Variants in NRP1 observed in about 807,000 individuals in gnomAD.
The protein encoded by NRP1 is neuropilin 1, also known as neuropilin-1.
In NRP1, 35 loss-of-function variants were observed where a neutral mutation model predicts 106.7. The observed-to-expected ratio is 0.33, with a 90% CI of 0.25 to 0.43. NRP1 has a LOEUF of 0.43. NRP1 is among the 20% of genes least tolerant of loss of function. The pLI is 1.00. For synonymous variants in NRP1, 437 were observed against 417.9 expected, an observed-to-expected ratio of 1.05 and a Z score of -0.56; for missense variants, 1,024 against 1,170.4, an observed-to-expected ratio of 0.87 and a Z score of 1.83.
At chr10:33,260,567 C>G (rs1378951761) in intron 4 of NRP1, among the ~76,000 whole-genome samples, 1 of 152,160 alleles carries the variant, frequency 6.6e-6, no homozygotes, top group Non-Finnish European at 1.5e-5. Context: ...CAGGCCCCAT[C>G]ATCCAGCACC....
At chr10:33,210,383 C>T (rs985063685) in intron 9 of NRP1, among the ~76,000 whole-genome samples, 1 of 152,038 alleles carries the variant, frequency 6.6e-6, no homozygotes, top group Non-Finnish European at 1.5e-5. Context: ...AACATACCTC[C>T]AAAGATCATA....
intron 13 of NRP1, among the ~76,000 whole-genome samples, chr10:33,188,357 C>CA (rs539727987): frequency 8.0e-4 from 122 of 152,262 alleles, no homozygotes; most frequent in Admixed American, 4.2e-3. Context: ...CATCCTCACT[C>CA]AACTGCACCA....
intron 6 of NRP1, among the ~76,000 whole-genome samples, chr10:33,232,730 C>T (rs1840254432): frequency 6.7e-6 from 1 of 149,398 alleles, no homozygotes; most frequent in Non-Finnish European, 1.5e-5. Context: ...GCAACCTCCA[C>T]CTCCCAGGTT....
chr10:33,215,783 T>C (rs185755638), intron 8 of NRP1, among the ~76,000 whole-genome samples: 1 of 152,226 alleles, frequency 6.6e-6, no homozygotes, highest in African/African-American at 2.4e-5. Context: ...GTCGTTTCTT[T>C]ACTCAGACAT....
At chr10:33,213,796 G>A (rs1588739382) in intron 8 of NRP1, 79 bp from the exon 9 acceptor site, 5 of 1,079,342 alleles carry the variant, frequency 4.6e-6, no homozygotes, top group Non-Finnish European at 6.7e-6. Flanking sequence ...ACAACATATG[G>A]AATAAAGACA....
At chr10:33,202,566 T>TGGGGGGG in intron 11 of NRP1, 1 of 1,245,312 alleles carries the variant, frequency 8.0e-7, no homozygotes, top group Non-Finnish European at 1.1e-6. Context: ...GCACGTGTTA[T>TGGGGGGG]TGGGGGGGGG....
intron 16 of NRP1, among the ~76,000 whole-genome samples, chr10:33,182,342 T>C (rs1264317071): frequency 6.6e-6 from 1 of 152,166 alleles, no homozygotes; most frequent in East Asian, 1.9e-4. Context: ...ATGGAAATAG[T>C]CTTCACTAAT....
chr10:33,250,498 G>A (rs889155645), intron 6 of NRP1, among the ~76,000 whole-genome samples: 4 of 152,210 alleles, frequency 2.6e-5, no homozygotes, highest in Non-Finnish European at 4.4e-5. Flanking sequence ...CTTAGAAATA[G>A]GAAGCACCCA....
intron 12 of NRP1, among the ~76,000 whole-genome samples, chr10:33,192,986 A>T (rs971256438): frequency 1.3e-4 from 20 of 151,952 alleles, no homozygotes; most frequent in African/African-American, 3.9e-4. Context: ...TTTTTCTTCC[A>T]TGCCTTCTAT....
At chr10:33,325,132 C>T (rs1314524736) in intron 2 of NRP1, among the ~76,000 whole-genome samples, 4 of 152,130 alleles carry the variant, frequency 2.6e-5, no homozygotes, top group Non-Finnish European at 5.9e-5. Flanking sequence ...AAAATTTTAT[C>T]AAATCTTATA....
intron 6 of NRP1, among the ~76,000 whole-genome samples, chr10:33,237,486 C>T (rs558089927): frequency 0.042 from 5,329 of 126,974 alleles, 132 homozygotes; most frequent in Middle Eastern, 0.083. Context: ...CACATGCGCG[C>T]GCACACACAC....
intron 2 of NRP1, among the ~76,000 whole-genome samples, chr10:33,293,751 A>G (rs1845175506): frequency 6.6e-6 from 1 of 152,224 alleles, no homozygotes; most frequent in South Asian, 2.1e-4. Context: ...GCATGCACAC[A>G]CACACGTGCT....
At chr10:33,265,978 T>G (rs1443841258) in intron 3 of NRP1, among the ~76,000 whole-genome samples, 1 of 152,178 alleles carries the variant, frequency 6.6e-6, no homozygotes, top group Non-Finnish European at 1.5e-5. Context: ...TTTAGGATTT[T>G]ATATCCACAG....
chr10:33,302,405 A>G (rs184835519), intron 2 of NRP1, among the ~76,000 whole-genome samples: 4 of 152,384 alleles, frequency 2.6e-5, no homozygotes, highest in Admixed American at 2.6e-4. Flanking sequence ...TCAAAGCCCC[A>G]GAAGTCTGTA....
intron 6 of NRP1, among the ~76,000 whole-genome samples, chr10:33,235,261 C>T (rs1840466687): frequency 1.3e-5 from 2 of 152,174 alleles, no homozygotes; most frequent in South Asian, 2.1e-4. Context: ...AAAAGGGACT[C>T]GATGCAGCAG....
At chr10:33,210,750 T>G (rs184242988) in intron 9 of NRP1, among the ~76,000 whole-genome samples, 6 of 152,260 alleles carry the variant, frequency 3.9e-5, no homozygotes, top group African/African-American at 1.4e-4. Flanking sequence ...ATCCAAGTGC[T>G]GTGGATTTCA....
chr10:33,229,979 G>T (rs904790749), intron 6 of NRP1, among the ~76,000 whole-genome samples: 3 of 152,154 alleles, frequency 2.0e-5, no homozygotes, highest in Non-Finnish European at 4.4e-5. Context: ...TTGCCAGTGG[G>T]TTTAGTAAGG....
intron 5 of NRP1, 65 bp from the exon 6 acceptor site, chr10:33,254,259 T>G: frequency 7.1e-7 from 1 of 1,409,468 alleles, no homozygotes; most frequent in South Asian, 1.4e-5. Flanking sequence ...TTTTTCTTTT[T>G]TAACTTGATA....
rs1182061298 is a variant in NRP1, at chr10:33,179,961, G to C, written c.*115C>G. On this transcript the variant is annotated 3_prime_UTR_variant, in exon 17 of 17. Transcript: ENST00000374867. ...CATTGAAGCTCCTGAGAAAAGCCTG[G>C]CTCAGTGGTCATCAACACACTTCCC... 5 of 1,062,454 alleles carry C rather than the reference G, an allele frequency of 4.7e-6. No homozygotes were observed. In the East Asian group the frequency reaches 1.2e-4, roughly 25 times the overall value. The allele number at this position is 1,062,454 out of a possible 1,614,324, so 65.8% of individuals were successfully genotyped here. A position where few individuals can be genotyped will look rare whatever the true frequency, so the allele number is the denominator to read the frequency against.
Sources: allele counts gnomAD v4.1 joint callset (sites outside exome capture counted in the v4.1 genomes callset), GRCh38; gene constraint gnomAD v4.1.1; transcripts MANE v1.5; gene names NCBI Gene and HGNC (gene_info 2026-07-23, HGNC 2026-07-21).